PCDHA3: variants seen among roughly 807,000 people sequenced by gnomAD.
The protein encoded by PCDHA3 is protocadherin alpha 3, also known as protocadherin alpha-3.
Under a neutral mutation model 62.2 loss-of-function variants are expected in PCDHA3, and 41 were observed. The ratio of observed to expected loss-of-function variants is 0.66; its 90% CI spans 0.51 to 0.86. The LOEUF (loss-of-function observed/expected upper bound fraction) is 0.86. PCDHA3 is among the 40% of genes least tolerant of loss of function. The probability of loss-of-function intolerance (pLI) is 0.00; values close to 1 mark genes in which losing one functional copy is unlikely to be tolerated. For missense variants in PCDHA3, 1,304 were observed against 1,241.2 expected, an observed-to-expected ratio of 1.05 and a Z score of -0.76; for synonymous variants, 640 against 555.4, an observed-to-expected ratio of 1.15 and a Z score of -2.14.
In PCDHA3 at chr5:140,829,619, G is replaced by A. The variant is rs2150171430; in HGVS notation, c.2394+26028G>A. 40 of 1,612,108 alleles carry A rather than the reference G, an allele frequency of 2.5e-5. No individual in the cohort carries two copies. In the Middle Eastern group the frequency reaches 8.2e-4, roughly 33 times the overall value. Reference sequence around the variant, plus strand: ...GCGCGCGTTGTCGAGCTACATTTCGGTGCACGCGGAGAGCGGCAAGGTGTA... The same window carrying A: ...GCGCGCGTTGTCGAGCTACATTTCGATGCACGCGGAGAGCGGCAAGGTGTA... On this transcript the variant is annotated intron_variant, in intron 1 of 3. Transcript: ENST00000522353.
intron 1 of PCDHA3, chr5:140,807,228 T>C: frequency 6.2e-7 from 1 of 1,614,210 alleles, no homozygotes; most frequent in South Asian, 1.1e-5. Flanking sequence ...TCCCGGCGTC[T>C]GCTGCTCTTA....
chr5:140,902,201 T>C (rs1554190261), intron 1 of PCDHA3, among the ~76,000 whole-genome samples: 1 of 145,052 alleles, frequency 6.9e-6, no homozygotes. Flanking sequence ...CTCTCTCTCT[T>C]TCTTTTTTTT....
chr5:140,995,930 A>G (rs186484511), intron 3 of PCDHA3, among the ~76,000 whole-genome samples: 1 of 152,342 alleles, frequency 6.6e-6, no homozygotes, highest in Admixed American at 6.5e-5. Context: ...TGTTGTAAGT[A>G]TTAAATGACA....
chr5:140,827,904 G>A (rs2150149694), intron 1 of PCDHA3: 24 of 786,388 alleles, frequency 3.1e-5, no homozygotes, highest in Non-Finnish European at 3.9e-5. Context: ...TTTTGGAGCC[G>A]CATGATGTCG....
intron 3 of PCDHA3, among the ~76,000 whole-genome samples, chr5:140,990,910 A>G (rs1460988111): frequency 1.3e-5 from 2 of 152,198 alleles, no homozygotes; most frequent in African/African-American, 2.4e-5. Context: ...GTCAAGTTTT[A>G]TAAGTCTTTA....
chr5:140,810,680 T>C (rs887175912), intron 1 of PCDHA3: 5 of 97,508 alleles, frequency 5.1e-5, no homozygotes, highest in Admixed American at 1.9e-4. Context: ...CTTTTTTCTC[T>C]TCTTTTTGCT....
intron 1 of PCDHA3, chr5:140,876,017 T>TAAAAAC (rs782503573): frequency 2.3e-5 from 37 of 1,613,124 alleles, no homozygotes; most frequent in Non-Finnish European, 2.8e-5. Context: ...GAGCTTAAAA[T>TAAAAAC]AAAAACAAAA....
intron 1 of PCDHA3, chr5:140,804,998 A>C: frequency 6.5e-7 from 1 of 1,532,070 alleles, no homozygotes; most frequent in Non-Finnish European, 8.7e-7. Flanking sequence ...TATTTTAAAA[A>C]TTTAGTTCTG....
chr5:141,001,867 A>C (rs2153971805), intron 3 of PCDHA3, among the ~76,000 whole-genome samples: 1 of 152,348 alleles, frequency 6.6e-6, no homozygotes, highest in Admixed American at 6.5e-5. Context: ...ATTGATGCCC[A>C]AAACCAAGAA....
intron 1 of PCDHA3, among the ~76,000 whole-genome samples, chr5:140,840,700 CA>C (rs1776825723): frequency 6.6e-6 from 1 of 151,868 alleles, no homozygotes; most frequent in African/African-American, 2.4e-5. Context: ...ACGGTTCAGG[CA>C]ATTTGACATT....
At chr5:140,873,489 C>G (rs2054319766) in intron 1 of PCDHA3, among the ~76,000 whole-genome samples, 1 of 152,054 alleles carries the variant, frequency 6.6e-6, no homozygotes, top group Admixed American at 6.6e-5. Context: ...CTGATTTCTG[C>G]AAAGTTGTGT....
chr5:140,876,954 G>T (rs1554169149), intron 1 of PCDHA3: 1 of 1,613,432 alleles, frequency 6.2e-7, no homozygotes, highest in Non-Finnish European at 8.5e-7. Context: ...CCTACTCGCT[G>T]GTGGAGCGGC....
intron 1 of PCDHA3, chr5:140,875,272 A>G: frequency 1.6e-6 from 2 of 1,265,056 alleles, no homozygotes; most frequent in Non-Finnish European, 2.1e-6. Context: ...CTCTACACTC[A>G]GAAGGTGAAA....
chr5:140,835,317 G>A lies in PCDHA3; in HGVS notation c.2394+31726G>A. ...AGTGATAGGACATATGGATTTTGAAGAAAGTAGAGCACACAAGATCCCAGT... is the reference window on the plus strand; with the variant it reads ...AGTGATAGGACATATGGATTTTGAAAAAAGTAGAGCACACAAGATCCCAGT... On this transcript the variant is annotated intron_variant, in intron 1 of 3. Coordinates refer to ENST00000522353, the MANE Select transcript of PCDHA3 (RefSeq NM_018906.3). 6 of 1,613,394 alleles carry A rather than the reference G, an allele frequency of 3.7e-6. No individual in the cohort carries two copies. Among genetic ancestry groups the A allele is most frequent in the Non-Finnish European group, 4.2e-6 (5 of 1,179,716 alleles).
chr5:140,808,726 GA>G (rs1562219079), intron 1 of PCDHA3: 1 of 1,612,212 alleles, frequency 6.2e-7, no homozygotes, highest in Non-Finnish European at 8.5e-7. Flanking sequence ...TGCATGCGGA[GA>G]GCGGCAAGGT....
At chr5:140,832,572 C>G (rs987114352) in intron 1 of PCDHA3, among the ~76,000 whole-genome samples, 2 of 152,172 alleles carry the variant, frequency 1.3e-5, no homozygotes, top group South Asian at 2.1e-4. Flanking sequence ...AAACAGCATA[C>G]TTTCTTAGGA....
chr5:141,001,670 C>T (rs1554258276), intron 3 of PCDHA3, among the ~76,000 whole-genome samples: 1 of 151,900 alleles, frequency 6.6e-6, no homozygotes, highest in African/African-American at 2.4e-5. Flanking sequence ...CTTGTCCAGT[C>T]GGTCCAACAA....
At chr5:140,806,049 A>T (rs1763674916) in intron 1 of PCDHA3, among the ~76,000 whole-genome samples, 2 of 152,218 alleles carry the variant, frequency 1.3e-5, no homozygotes, top group South Asian at 4.1e-4. Flanking sequence ...TAAATGGCCC[A>T]CGCGATTCCA....
Position 140,853,160 on chromosome 5 carries a change from T to C in PCDHA3, c.2394+49569T>C, listed in dbSNP as rs2150529157. 1.0e-3 allele frequency: 954 copies of C among 925,650 alleles called. 57 individuals carry two copies. The highest frequency in any genetic ancestry group is 1.2e-3 in the Non-Finnish European group (917 of 763,430). 57.3% of individuals were successfully genotyped at this position (925,650 alleles called of 1,614,324 possible). ...TCCCAAAATGCTGGGATTACAGGCG[T>C]GAGCCACCGCGCCTGGCCTAAAATG... On this transcript the variant is annotated intron_variant, in intron 1 of 3. Transcript: ENST00000522353.
Sources: allele counts gnomAD v4.1 joint callset (sites outside exome capture counted in the v4.1 genomes callset), GRCh38; gene constraint gnomAD v4.1.1; transcripts MANE v1.5; gene names NCBI Gene and HGNC (gene_info 2026-07-23, HGNC 2026-07-21).